CACNA2D1: variants seen among roughly 807,000 people sequenced by gnomAD.
CACNA2D1 encodes the protein calcium voltage-gated channel auxiliary subunit alpha2delta 1, also known as voltage-dependent calcium channel subunit alpha-2/delta-1.
A neutral mutation model predicts 171.5 loss-of-function variants in CACNA2D1; 53 were observed. That is an observed-to-expected ratio of 0.31 (90% CI 0.25 to 0.39). The LOEUF (loss-of-function observed/expected upper bound fraction) is 0.39. Ranked by LOEUF, CACNA2D1 falls within the 10% of genes least tolerant of loss-of-function variation. CACNA2D1 has a pLI of 1.00. For missense variants in CACNA2D1, 903 were observed against 1,299.8 expected (o/e 0.69, Z 4.69); for synonymous variants, 442 against 443.1 (o/e 1.00, Z 0.03).
intron 3 of CACNA2D1, among the ~76,000 whole-genome samples, chr7:82,274,012 A>G (rs970712258): frequency 1.3e-5 from 2 of 152,276 alleles, no homozygotes; most frequent in Non-Finnish European, 2.9e-5. Context: ...CTAGAAGACC[A>G]TATGTCATTT....
chr7:82,443,825 A>AAGGCGG (rs1263327786), upstream of CACNA2D1: 12 of 684,984 alleles, frequency 1.8e-5, no homozygotes, highest in East Asian at 7.3e-5. Flanking sequence ...TGCCGAGGCG[A>AAGGCGG]AGGCGGAGGC....
At chr7:82,154,573 T>C (rs1212554807) in intron 4 of CACNA2D1, among the ~76,000 whole-genome samples, 1 of 152,050 alleles carries the variant, frequency 6.6e-6, no homozygotes, top group Non-Finnish European at 1.5e-5. Flanking sequence ...TACGCATTCT[T>C]TACATGTATC....
chr7:82,091,250 C>G (rs1362493207), intron 6 of CACNA2D1, among the ~76,000 whole-genome samples: 8 of 152,108 alleles, frequency 5.3e-5, no homozygotes, highest in Non-Finnish European at 7.4e-5. Context: ...AATCATGTCT[C>G]GGGCACCAGA....
At chr7:82,167,770 G>A (rs1795606948) in intron 4 of CACNA2D1, among the ~76,000 whole-genome samples, 1 of 152,028 alleles carries the variant, frequency 6.6e-6, no homozygotes. Flanking sequence ...CCCTTTAACA[G>A]TCTCTTTTGA....
intron 3 of CACNA2D1, among the ~76,000 whole-genome samples, chr7:82,316,941 G>C (rs1815196512): frequency 6.6e-6 from 1 of 152,136 alleles, no homozygotes; most frequent in Admixed American, 6.5e-5. Flanking sequence ...TAACAATTCA[G>C]GGTGAGATTT....
intron 5 of CACNA2D1, among the ~76,000 whole-genome samples, chr7:82,129,147 A>G (rs1790675647): frequency 6.6e-6 from 1 of 152,070 alleles, no homozygotes; most frequent in African/African-American, 2.4e-5. Flanking sequence ...ATTCTAGGCC[A>G]CTCTCCTAAG....
chr7:82,060,420 A>G lies in CACNA2D1; in HGVS notation c.879+8T>C. 6.4e-7 allele frequency: 1 copy of G among 1,572,178 alleles called. No individual in the cohort carries two copies. The highest frequency in any genetic ancestry group is 8.7e-7 in the Non-Finnish European group (1 of 1,144,990). ...TAATTCAGGAAAATGCAGTCATCTT[A>G]TACTTACTGAAGCTACATTCACGAA... On this transcript the variant is annotated splice_region_variant and intron_variant, in intron 10 of 38. Transcript: ENST00000356860.
intron 4 of CACNA2D1, 148 bp downstream of exon 4, chr7:82,170,402 C>T: frequency 1.3e-6 from 1 of 765,090 alleles, no homozygotes; most frequent in South Asian, 1.6e-5. Context: ...TACCCAAAAG[C>T]AATTTATTTA....
At chr7:81,958,698 A>ATGTAATTGACCTGGTCTAGTTTC (rs1259053109) in intron 38 of CACNA2D1, among the ~76,000 whole-genome samples, 4 of 151,862 alleles carry the variant, frequency 2.6e-5, no homozygotes, top group African/African-American at 7.3e-5. Flanking sequence ...ATCAAACCCT[A>ATGTAATTGACCTGGTCTAGTTTC]TGTAATTGAC....
chr7:82,411,895 T>TCACACA (rs5885295), intron 1 of CACNA2D1, among the ~76,000 whole-genome samples: 1,735 of 144,872 alleles, frequency 0.012, 20 homozygotes, highest in South Asian at 0.019. Context: ...AAACTAAATC[T>TCACACA]CACACACACA....
At chr7:82,202,134 T>C (rs1281468800) in intron 3 of CACNA2D1, among the ~76,000 whole-genome samples, 1 of 152,194 alleles carries the variant, frequency 6.6e-6, no homozygotes, top group African/African-American at 2.4e-5. Context: ...CCCATGTGAG[T>C]TCGTACTTGG....
rs568821967 is a variant in CACNA2D1, at chr7:81,959,353, G to A, written c.3081C>T (p.Asp1027=). ...TAACCATGTCACAAGGATTTGGACC[G>A]TCAGCTAAAAGAGACTTGTTAAGGA... ...RLLIQAEQTS[D]GPNPCDMVKQ... is the part of the protein sequence containing the mutation. Residue 1027 remains aspartate (D), a synonymous_variant, in exon 38 of 39, where the codon GAC becomes GAT. Transcript: ENST00000356860. 180 of 1,604,294 alleles carry A rather than the reference G, an allele frequency of 1.1e-4. 1 individual carries two copies. In the South Asian group the frequency reaches 1.2e-3, roughly 11 times the overall value.
intron 12 of CACNA2D1, among the ~76,000 whole-genome samples, chr7:82,019,313 C>T (rs964485409): frequency 5.3e-5 from 8 of 151,936 alleles, no homozygotes; most frequent in South Asian, 2.1e-4. Context: ...AGTGAGACTC[C>T]GTCTCAAAAC....
In CACNA2D1 at chr7:82,281,256, T is replaced by C. The variant is rs527847739; in HGVS notation, c.294+53879A>G. Among the ~76,000 whole-genome samples, 8 of 152,316 alleles carry C rather than the reference T, an allele frequency of 5.3e-5. No individual in the cohort carries two copies. The South Asian group carries it at 1.7e-3, about 32-fold the overall frequency. ...GATAAGACTGCTCTTGAACCAGTTT[T>C]TCTAGACAACAGAAGACCATGTGTT... On this transcript the variant is annotated intron_variant, in intron 3 of 38. Transcript: ENST00000356860.
At chr7:82,350,463 A>T (rs1262981412) in intron 1 of CACNA2D1, among the ~76,000 whole-genome samples, 1 of 152,112 alleles carries the variant, frequency 6.6e-6, no homozygotes, top group Non-Finnish European at 1.5e-5. Flanking sequence ...CAGGAGATTG[A>T]CACCATCCTG....
At chr7:82,073,022 G>A (rs554800171) in intron 7 of CACNA2D1, among the ~76,000 whole-genome samples, 4 of 152,090 alleles carry the variant, frequency 2.6e-5, no homozygotes, top group Non-Finnish European at 5.9e-5. Context: ...TGTGACTGGG[G>A]CTTGAACATG....
intron 36 of CACNA2D1, among the ~76,000 whole-genome samples, chr7:81,960,783 G>A (rs984300413): frequency 2.0e-5 from 3 of 151,976 alleles, no homozygotes; most frequent in Admixed American, 6.6e-5. Flanking sequence ...CAATGTCTGT[G>A]AAACTCTGAT....
rs879282472 is a variant in CACNA2D1, at chr7:82,212,903, C to CT, written c.295-42295dup. On this transcript the variant is annotated intron_variant, in intron 3 of 38. Transcript: ENST00000356860. The stretch of plus-strand genomic sequence containing the variant: ...GAAGTCTAGGTACAATATCCTAGTT[C>CT]TTTTTTTTTTTTTCTGAGATGGAGT... 2.5e-3 allele frequency among the ~76,000 whole-genome samples: 365 copies of CT among 143,948 alleles called. 2 individuals carry two copies. The highest frequency in any genetic ancestry group is 5.5e-3 in the African/African-American group (216 of 39,528). 94.4% of individuals were successfully genotyped at this position (143,948 alleles called of 152,430 possible).
At chr7:82,064,979 A>G (rs1807425032) in intron 8 of CACNA2D1, among the ~76,000 whole-genome samples, 1 of 152,146 alleles carries the variant, frequency 6.6e-6, no homozygotes, top group South Asian at 2.1e-4. Context: ...GAAGAGATTT[A>G]TGCAGATGGT....
Sources: gnomAD v4.1 joint callset for allele counts (sites outside exome capture counted in the v4.1 genomes callset) on GRCh38, gnomAD v4.1.1 for gene constraint, MANE v1.5 for transcripts, NCBI Gene and HGNC (gene_info 2026-07-23, HGNC 2026-07-21) for gene names.